The following DGKB variants were observed in gnomAD, a reference collection of about 807,000 sequenced individuals.
DGKB encodes the protein 90 kDa diacylglycerol kinase.
A neutral mutation model predicts 114.3 loss-of-function variants in DGKB; 67 were observed. The ratio of observed to expected loss-of-function variants is 0.59; its 90% confidence interval spans 0.48 to 0.72. DGKB has a LOEUF of 0.72. Ranked by LOEUF, DGKB falls within the 30% of genes least tolerant of loss-of-function variation. The pLI, the probability that DGKB is intolerant of heterozygous loss-of-function variation, is 0.00. For synonymous variants in DGKB, 398 were observed against 323.1 expected (o/e 1.23, Z -2.49); for missense variants, 907 against 975.2 (o/e 0.93, Z 0.93).
intron 6 of DGKB, among the ~76,000 whole-genome samples, chr7:14,702,164 ACTTTT>A (rs1377439339): frequency 7.9e-5 from 12 of 152,160 alleles, no homozygotes; most frequent in African/African-American, 2.9e-4. Context: ...TTGGTCAAAA[ACTTTT>A]CTTTATCTGT....
intron 17 of DGKB, among the ~76,000 whole-genome samples, chr7:14,590,297 C>T (rs752173738): frequency 6.6e-6 from 1 of 151,840 alleles, no homozygotes; most frequent in Non-Finnish European, 1.5e-5. Flanking sequence ...CAATTTGATT[C>T]TCCCTCCTAG....
At chr7:14,520,208 C>CTTTTTTTTTTTTT (rs1319688779) in intron 20 of DGKB, among the ~76,000 whole-genome samples, 3 of 89,256 alleles carry the variant, frequency 3.4e-5, no homozygotes, top group Admixed American at 1.3e-4. Flanking sequence ...ATCTTTTTTC[C>CTTTTTTTTTTTTT]TATTTTTTTT....
intron 13 of DGKB, among the ~76,000 whole-genome samples, chr7:14,640,222 T>A (rs781779875): frequency 1.6e-4 from 25 of 152,176 alleles, no homozygotes; most frequent in Non-Finnish European, 3.4e-4. Flanking sequence ...ATTAGGAAAT[T>A]GATATTTTAT....
chr7:14,814,128 A>G (rs748665118), intron 2 of DGKB: 6 of 152,222 alleles, frequency 3.9e-5, no homozygotes, highest in Non-Finnish European at 7.3e-5. Flanking sequence ...CAAGCCAACT[A>G]GAGACTGGTT....
At chr7:14,942,695 A>G (rs73287080) in intron 1 of DGKB, among the ~76,000 whole-genome samples, 5,290 of 151,846 alleles carry the variant, frequency 0.035, 276 homozygotes, top group African/African-American at 0.12. Flanking sequence ...AGGTTCTTTG[A>G]CTTTTCCACT....
At position 14,770,548 on chromosome 7, in the gene DGKB, G is replaced by A. The variant is rs142937535; in HGVS notation, c.71-12817C>T. Among the ~76,000 whole-genome samples the A allele has an allele frequency of 2.6e-5, 4 of 152,178 alleles. No individual in the cohort carries two copies. In the East Asian group the frequency reaches 7.7e-4, roughly 29 times the overall value. ...TAGATAGTCAAAGCTCATGAGAGAAGTTTTCTGTAACCATTCATCAAAATT... is the reference window on the plus strand; with the variant it reads ...TAGATAGTCAAAGCTCATGAGAGAAATTTTCTGTAACCATTCATCAAAATT... On this transcript the variant is annotated intron_variant, in intron 2 of 25. Transcript: ENST00000402815.
intron 23 of DGKB, chr7:14,209,173 GAAA>G (rs11303119): frequency 2.3e-5 from 6 of 256,454 alleles, no homozygotes; most frequent in African/African-American, 9.6e-5. Context: ...ACTACTGATA[GAAA>G]AAAAAAAAAC....
chr7:14,847,945 T>A (rs955885362), intron 1 of DGKB, among the ~76,000 whole-genome samples: 1 of 152,212 alleles, frequency 6.6e-6, no homozygotes, highest in African/African-American at 2.4e-5. Context: ...AAGGAGCACA[T>A]GATTAGACTG....
At chr7:14,285,545 G>T (rs1027110584) in intron 23 of DGKB, among the ~76,000 whole-genome samples, 1 of 152,140 alleles carries the variant, frequency 6.6e-6, no homozygotes, top group Non-Finnish European at 1.5e-5. Flanking sequence ...ATTATTTTCA[G>T]CTGAAAGTCT....
At chr7:14,613,506 G>C (rs1034355126) in intron 15 of DGKB, 93 bp from the exon 16 acceptor site, 6 of 703,356 alleles carry the variant, frequency 8.5e-6, no homozygotes, top group African/African-American at 1.8e-5. Context: ...ATACCAATAC[G>C]CAATTTCAAT....
At chr7:14,961,233 A>T (rs36912) in intron 1 of DGKB, among the ~76,000 whole-genome samples, 2 of 151,996 alleles carry the variant, frequency 1.3e-5, no homozygotes, top group African/African-American at 4.8e-5. Context: ...TGTGTGCATG[A>T]AGCTTAGCTT....
intron 23 of DGKB, among the ~76,000 whole-genome samples, chr7:14,221,802 T>A (rs1428497827): frequency 6.6e-6 from 1 of 151,394 alleles, no homozygotes; most frequent in Non-Finnish European, 1.5e-5. Context: ...TTTGCTTTTC[T>A]TTGTGGGTAG....
intron 21 of DGKB, among the ~76,000 whole-genome samples, chr7:14,474,752 GA>G (rs1781919572): frequency 6.6e-6 from 1 of 151,384 alleles, no homozygotes; most frequent in Non-Finnish European, 1.5e-5. Context: ...AATACTAATT[GA>G]CAATTTATAT....
intron 2 of DGKB, among the ~76,000 whole-genome samples, chr7:14,773,986 A>C (rs2128476203): frequency 6.6e-6 from 1 of 152,228 alleles, no homozygotes; most frequent in Non-Finnish European, 1.5e-5. Flanking sequence ...ATGGACTTAA[A>C]TTACTAGAAT....
intron 20 of DGKB, among the ~76,000 whole-genome samples, chr7:14,549,001 C>A (rs1443790601): frequency 6.6e-6 from 1 of 150,798 alleles, no homozygotes. Context: ...GTGAAATAAC[C>A]CAGGGCAATG....
chr7:14,553,997 C>T (rs1199414304), intron 20 of DGKB, among the ~76,000 whole-genome samples: 1 of 151,008 alleles, frequency 6.6e-6, no homozygotes, highest in Non-Finnish European at 1.5e-5. Flanking sequence ...CTCAGCCTCC[C>T]GAGTAGCTGG....
chr7:14,723,028 T>TATTC (rs1188041434), intron 5 of DGKB, among the ~76,000 whole-genome samples: 1 of 143,908 alleles, frequency 6.9e-6, no homozygotes, highest in Non-Finnish European at 1.5e-5. Flanking sequence ...TTTATTCATT[T>TATTC]TTTTTTCTTT....
chr7:14,804,072 T>G (rs867090128), intron 2 of DGKB, among the ~76,000 whole-genome samples: 35 of 141,100 alleles, frequency 2.5e-4, no homozygotes, highest in Non-Finnish European at 3.7e-4. Flanking sequence ...ACTTTTTGGG[T>G]GTGTGTGTGT....
intron 23 of DGKB, among the ~76,000 whole-genome samples, chr7:14,198,729 T>C (rs1404009899): frequency 1.3e-5 from 2 of 152,056 alleles, no homozygotes; most frequent in African/African-American, 4.8e-5. Flanking sequence ...GCAAGAGTAC[T>C]GGCCACAGTG....
Sources: gnomAD v4.1 joint callset for allele counts (sites outside exome capture counted in the v4.1 genomes callset) on GRCh38, gnomAD v4.1.1 for gene constraint, MANE v1.5 for transcripts, NCBI Gene and HGNC (gene_info 2026-07-23, HGNC 2026-07-21) for gene names.